Variants in CDH12 observed in about 807,000 individuals in gnomAD.
CDH12 encodes the protein cadherin-12.
In CDH12, 41 loss-of-function variants were observed where a neutral mutation model predicts 74.1. The ratio of observed to expected loss-of-function variants is 0.55; its 90% CI spans 0.43 to 0.72. The LOEUF is 0.72. Ranked by LOEUF, CDH12 falls within the 30% of genes least tolerant of loss-of-function variation. The pLI is 0.00. For synonymous variants in CDH12, 399 were observed against 355.0 expected, an observed-to-expected ratio of 1.12 and a Z score of -1.39; for missense variants, 945 against 977.2, an observed-to-expected ratio of 0.97 and a Z score of 0.44.
intron 6 of CDH12, among the ~76,000 whole-genome samples, chr5:21,970,578 G>A (rs1044042208): frequency 2.6e-5 from 4 of 151,956 alleles, no homozygotes; most frequent in African/African-American, 7.3e-5. Flanking sequence ...TGTGGCTCAT[G>A]TCCTTAACAC....
intron 2 of CDH12, among the ~76,000 whole-genome samples, chr5:22,473,913 C>T (rs775405960): frequency 6.6e-6 from 1 of 151,986 alleles, no homozygotes; most frequent in Non-Finnish European, 1.5e-5. Flanking sequence ...TAGAATAAAA[C>T]CCTCTAAATT....
At chr5:22,816,991 C>T (rs1749425462) in intron 1 of CDH12, among the ~76,000 whole-genome samples, 2 of 152,154 alleles carry the variant, frequency 1.3e-5, no homozygotes, top group Admixed American at 1.3e-4. Flanking sequence ...CTACTTAGAA[C>T]AGCACACTTT....
At chr5:21,809,133 ATACTT>A (rs1482472936) in intron 9 of CDH12, among the ~76,000 whole-genome samples, 1 of 152,104 alleles carries the variant, frequency 6.6e-6, no homozygotes. Context: ...AGTTATTACT[ATACTT>A]TAGTGTTTTG....
chr5:21,904,091 G>A (rs1753523791), intron 6 of CDH12, among the ~76,000 whole-genome samples: 1 of 152,038 alleles, frequency 6.6e-6, no homozygotes, highest in African/African-American at 2.4e-5. Flanking sequence ...TCTCTATTAG[G>A]CAATTATAAC....
intron 3 of CDH12, among the ~76,000 whole-genome samples, chr5:22,241,142 C>G (rs1752735123): frequency 6.6e-6 from 1 of 152,056 alleles, no homozygotes; most frequent in South Asian, 2.1e-4. Flanking sequence ...AGGCTGTGAT[C>G]ACAATATTTA....
At chr5:22,228,788 T>G (rs980940388) in intron 3 of CDH12, among the ~76,000 whole-genome samples, 2 of 137,876 alleles carry the variant, frequency 1.5e-5, no homozygotes, top group Non-Finnish European at 3.3e-5. Flanking sequence ...AATGCCAAAT[T>G]TATTATGTTC....
Position 22,091,149 on chromosome 5 carries a change from A to C in CDH12, c.-186-12287T>G, listed in dbSNP as rs1045541051. 2.0e-5 allele frequency among the ~76,000 whole-genome samples: 3 copies of C among 151,184 alleles called. No individual in the cohort carries two copies. In the Admixed American group the frequency reaches 2.0e-4, roughly 10 times the overall value. The stretch of plus-strand genomic sequence containing the variant: ...TAGAAAAAAATTTGTCTCAACTTGC[A>C]GATGACATGATCTTTTATATTAAAT... On this transcript the variant is annotated intron_variant, in intron 4 of 14. Coordinates refer to ENST00000382254, the MANE Select transcript of CDH12 (RefSeq NM_004061.5).
At chr5:22,336,258 G>A (rs923193363) in intron 3 of CDH12, among the ~76,000 whole-genome samples, 2 of 152,164 alleles carry the variant, frequency 1.3e-5, no homozygotes, top group Admixed American at 6.5e-5. Context: ...GGGAAACAGA[G>A]TATAAAAGTT....
At chr5:22,306,313 T>C (rs953581306) in intron 3 of CDH12, among the ~76,000 whole-genome samples, 2 of 151,798 alleles carry the variant, frequency 1.3e-5, no homozygotes, top group South Asian at 2.1e-4. Flanking sequence ...ACAGAGAATA[T>C]GCTTTGCCTT....
chr5:22,563,520 T>G (rs1360200436), intron 1 of CDH12, among the ~76,000 whole-genome samples: 1 of 152,220 alleles, frequency 6.6e-6, no homozygotes, highest in Admixed American at 6.5e-5. Context: ...TCTCCCATTC[T>G]GTAGGTTACC....
intron 5 of CDH12, among the ~76,000 whole-genome samples, chr5:22,067,089 C>T (rs1280700167): frequency 6.6e-6 from 1 of 152,170 alleles, no homozygotes; most frequent in Non-Finnish European, 1.5e-5. Context: ...TATATTAACT[C>T]TTTAGTCCTA....
chr5:21,770,658 C>T (rs1050581436), intron 11 of CDH12, among the ~76,000 whole-genome samples: 1 of 151,594 alleles, frequency 6.6e-6, no homozygotes, highest in Non-Finnish European at 1.5e-5. Flanking sequence ...ATTGTGATTT[C>T]TCAAAGAACT....
At chr5:22,260,581 C>T (rs887172373) in intron 3 of CDH12, among the ~76,000 whole-genome samples, 5 of 151,898 alleles carry the variant, frequency 3.3e-5, no homozygotes, top group Non-Finnish European at 7.4e-5. Flanking sequence ...CTAAATTTTC[C>T]TCGTTCTCTT....
intron 4 of CDH12, among the ~76,000 whole-genome samples, chr5:22,201,672 A>T (rs1297292407): frequency 2.6e-5 from 4 of 152,034 alleles, no homozygotes; most frequent in Non-Finnish European, 2.9e-5. Context: ...AAATATATAC[A>T]AAAAAATGGG....
chr5:22,508,410 T>C (rs1736480902), intron 1 of CDH12, among the ~76,000 whole-genome samples: 1 of 152,206 alleles, frequency 6.6e-6, no homozygotes, highest in Admixed American at 6.5e-5. Flanking sequence ...ACATGTTTCT[T>C]TGCCATATGT....
chr5:22,574,833 G>T (rs968458946), intron 1 of CDH12, among the ~76,000 whole-genome samples: 2 of 152,092 alleles, frequency 1.3e-5, no homozygotes, highest in African/African-American at 4.8e-5. Flanking sequence ...ACGAGCCCTA[G>T]AATGAGTGTA....
rs911274589 is a variant in CDH12, at chr5:22,101,760, G to T, written c.-186-22898C>A. 2.6e-5 allele frequency among the ~76,000 whole-genome samples: 4 copies of T among 152,174 alleles called. No homozygotes were observed. The East Asian group carries it at 5.8e-4, about 22-fold the overall frequency. The stretch of plus-strand genomic sequence containing the variant: ...TTCCAAGGAAATGTGATACAAGTGA[G>T]GAAATTTATAAACTGCAGATGAGAA... On this transcript the variant is annotated intron_variant, in intron 4 of 14. Coordinates refer to ENST00000382254, the MANE Select transcript of CDH12 (RefSeq NM_004061.5).
At chr5:22,817,798 T>C (rs937561084) in intron 1 of CDH12, among the ~76,000 whole-genome samples, 1 of 152,148 alleles carries the variant, frequency 6.6e-6, no homozygotes, top group Admixed American at 6.6e-5. Context: ...CCCAATGCAT[T>C]CTGTAGGGAG....
At chr5:21,966,158 GT>G (rs71609724) in intron 6 of CDH12, among the ~76,000 whole-genome samples, 8,595 of 123,196 alleles carry the variant, frequency 0.07, 130 homozygotes, top group Non-Finnish European at 0.086. Flanking sequence ...CTATTTTTAC[GT>G]TTTTTTTTTT....
Sources: gnomAD v4.1 joint callset for allele counts (sites outside exome capture counted in the v4.1 genomes callset) on GRCh38, gnomAD v4.1.1 for gene constraint, MANE v1.5 for transcripts, NCBI Gene and HGNC (gene_info 2026-07-23, HGNC 2026-07-21) for gene names.